Variants in C21orf91 observed in about 807,000 individuals in gnomAD.
C21orf91 encodes the protein chromosome 21 open reading frame 91.
Under a neutral mutation model 32.9 loss-of-function variants are expected in C21orf91, and 26 were observed. The ratio of observed to expected loss-of-function variants is 0.79; its 90% confidence interval spans 0.58 to 1.10. The LOEUF is 1.10. Ranked by LOEUF, C21orf91 falls within the 50% of genes least tolerant of loss-of-function variation. The pLI is 0.00. For synonymous variants in C21orf91, 126 were observed against 120.4 expected, an observed-to-expected ratio of 1.05 and a Z score of -0.31; for missense variants, 310 against 341.3, an observed-to-expected ratio of 0.91 and a Z score of 0.72.
rs2062453204 is a variant in C21orf91 at position 17,789,262 on chromosome 21, C to CACACACACACACACAT, written c.*4152_*4153insATGTGTGTGTGTGTGT. The CACACACACACACACAT allele has an allele frequency of 1.1e-5, 1 of 88,606 alleles. No individual in the cohort carries two copies. Among genetic ancestry groups the CACACACACACACACAT allele is most frequent in the African/African-American group, 5.1e-5 (1 of 19,660 alleles). The allele number at this position is 88,606 out of a possible 1,614,324, so 5.5% of individuals were successfully genotyped here. On this transcript the variant is annotated 3_prime_UTR_variant, in exon 5 of 5. Transcript: ENST00000284881. Reference sequence around the variant, plus strand: ...TGTTTTAAAGCAAGGTTCACACACACACACACACACACACACACACACACA... The same window carrying CACACACACACACACAT: ...TGTTTTAAAGCAAGGTTCACACACACACACACACACACACATACACACACACACACACACACACACA...
chr21:17,816,527 T>C (rs544877210), intron 2 of C21orf91, among the ~76,000 whole-genome samples: 9 of 152,338 alleles, frequency 5.9e-5, no homozygotes, highest in African/African-American at 2.2e-4. Context: ...AGTAGATCAA[T>C]GGTATTAAGA....
chr21:17,805,487 T>C (rs2062588384), intron 2 of C21orf91, among the ~76,000 whole-genome samples: 1 of 152,152 alleles, frequency 6.6e-6, no homozygotes, highest in Non-Finnish European at 1.5e-5. Context: ...GTAGTTTTTG[T>C]ATTTTTAGTA....
Position 17,791,381 on chromosome 21 carries a change from A to T in C21orf91, c.*2034T>A, listed in dbSNP as rs949556727. The T allele has an allele frequency of 6.6e-6, 1 of 152,156 alleles. No homozygotes were observed. Among genetic ancestry groups the T allele is most frequent in the Non-Finnish European group, 1.5e-5 (1 of 67,964 alleles). 9.4% of individuals were successfully genotyped at this position (152,156 alleles called of 1,614,324 possible). A position where few individuals can be genotyped will look rare whatever the true frequency, so the allele number is the denominator to read the frequency against. ...GCACACGTTCATCCACTTGTTCCGT[A>T]CTCATTAGCAAAGCTATGTATATTT... On this transcript the variant is annotated 3_prime_UTR_variant, in exon 5 of 5. Coordinates refer to ENST00000284881, the MANE Select transcript of C21orf91 (RefSeq NM_001100420.2).
chr21:17,817,937 A>C (rs2062675480), intron 2 of C21orf91: 2 of 297,828 alleles, frequency 6.7e-6, no homozygotes, highest in Non-Finnish European at 1.2e-5. Context: ...TTCCCAGTCA[A>C]CACTCATACT....
chr21:17,815,622 G>C (rs942355683), intron 2 of C21orf91, among the ~76,000 whole-genome samples: 1 of 151,598 alleles, frequency 6.6e-6, no homozygotes, highest in Non-Finnish European at 1.5e-5. Context: ...CTAAAATTTT[G>C]TGCAATTCAA....
chr21:17,802,784 G>A (rs1015598991), intron 2 of C21orf91, among the ~76,000 whole-genome samples: 2 of 152,156 alleles, frequency 1.3e-5, no homozygotes, highest in African/African-American at 4.8e-5. Flanking sequence ...GATGCTGAAT[G>A]CCTTTATACT....
At chr21:17,808,450 G>C (rs777970938) in intron 2 of C21orf91, among the ~76,000 whole-genome samples, 82 of 152,218 alleles carry the variant, frequency 5.4e-4, no homozygotes, top group Non-Finnish European at 1.0e-3. Flanking sequence ...GGGAAATGTG[G>C]GGTTGGAGCC....
At chr21:17,811,923 C>G (rs2062635031) in intron 2 of C21orf91, among the ~76,000 whole-genome samples, 1 of 152,038 alleles carries the variant, frequency 6.6e-6, no homozygotes, top group South Asian at 2.1e-4. Context: ...TCAAGATCAT[C>G]ATTATGAACA....
rs1474038045 is a variant in C21orf91, at chr21:17,790,246, C to G, written c.*3169G>C. ...AATTTAATAATGAAAGCAGATTCTT[C>G]CAAAACAAAACAAAACCCAAACTGG... On this transcript the variant is annotated 3_prime_UTR_variant, in exon 5 of 5. Transcript: ENST00000284881. 1 of 151,816 alleles carries G rather than the reference C, an allele frequency of 6.6e-6. No homozygotes were observed. The highest frequency in any genetic ancestry group is 6.6e-5 in the Admixed American group (1 of 15,234). The allele number at this position is 151,816 out of a possible 1,614,324, so 9.4% of individuals were successfully genotyped here. A position where few individuals can be genotyped will look rare whatever the true frequency, so the allele number is the denominator to read the frequency against.
intron 2 of C21orf91, among the ~76,000 whole-genome samples, chr21:17,801,815 C>CA (rs1253819678): frequency 2.0e-5 from 3 of 150,402 alleles, no homozygotes; most frequent in African/African-American, 4.9e-5. Flanking sequence ...GCATGTTCTG[C>CA]ATGTATATCC....
intron 2 of C21orf91, among the ~76,000 whole-genome samples, chr21:17,814,122 G>A (rs977521347): frequency 6.6e-6 from 1 of 152,096 alleles, no homozygotes; most frequent in Non-Finnish European, 1.5e-5. Flanking sequence ...CTGATAGTAT[G>A]AACCAACAGT....
At chr21:17,818,495 T>C (rs1249743857) in intron 1 of C21orf91, among the ~76,000 whole-genome samples, 170 bp from the exon 2 acceptor site, 1 of 152,208 alleles carries the variant, frequency 6.6e-6, no homozygotes, top group Non-Finnish European at 1.5e-5. Flanking sequence ...ACTTTTCCTG[T>C]GGAAAGACAC....
Position 17,794,953 on chromosome 21 carries a change from G to A in C21orf91, c.727+255C>T, listed in dbSNP as rs550740771. ...TAATGACAGTAAGTCCCAGCTACTCGGGAGGATCACCACTGCACTGCAGCT... is the reference window on the plus strand; with the variant it reads ...TAATGACAGTAAGTCCCAGCTACTCAGGAGGATCACCACTGCACTGCAGCT... On this transcript the variant is annotated intron_variant, in intron 4 of 4. Transcript: ENST00000284881. Among the ~76,000 whole-genome samples the A allele has an allele frequency of 4.0e-5, 6 of 151,190 alleles. No individual in the cohort carries two copies. In the East Asian group the frequency reaches 7.8e-4, roughly 20 times the overall value.
chr21:17,799,757 T>C (rs762228615), intron 2 of C21orf91, among the ~76,000 whole-genome samples: 2 of 152,096 alleles, frequency 1.3e-5, no homozygotes, highest in Non-Finnish European at 1.5e-5. Flanking sequence ...CTGTGAAAAA[T>C]ATGGACCATG....
chr21:17,791,490 G>A lies in C21orf91; in HGVS notation c.*1925C>T, dbSNP rs2062473665. On this transcript the variant is annotated 3_prime_UTR_variant, in exon 5 of 5. Coordinates refer to ENST00000284881, the MANE Select transcript of C21orf91 (RefSeq NM_001100420.2). ...CATATTCTGGAAATATGCTACTATTGATATCAAATGCAACATATCCCCAAC... is the reference window on the plus strand; with the variant it reads ...CATATTCTGGAAATATGCTACTATTAATATCAAATGCAACATATCCCCAAC... 6.6e-6 allele frequency: 1 copy of A among 152,120 alleles called. No individual in the cohort carries two copies. Among genetic ancestry groups the A allele is most frequent in the African/African-American group, 2.4e-5 (1 of 41,434 alleles). The allele number at this position is 152,120 out of a possible 1,614,324, so 9.4% of individuals were successfully genotyped here.
chr21:17,798,263 AAAAG>A (rs1221120572), intron 2 of C21orf91, among the ~76,000 whole-genome samples: 1 of 152,238 alleles, frequency 6.6e-6, no homozygotes, highest in Non-Finnish European at 1.5e-5. Flanking sequence ...AAGTCTGGCT[AAAAG>A]AAAGATAATG....
intron 2 of C21orf91, among the ~76,000 whole-genome samples, chr21:17,807,198 G>A (rs1225373241): frequency 6.6e-6 from 1 of 152,166 alleles, no homozygotes; most frequent in African/African-American, 2.4e-5. Context: ...GGAGGGCGCT[G>A]GTAGGAGGTA....
At chr21:17,802,479 T>C (rs978603775) in intron 2 of C21orf91, among the ~76,000 whole-genome samples, 24 of 152,240 alleles carry the variant, frequency 1.6e-4, no homozygotes, top group Admixed American at 1.6e-3. Flanking sequence ...TGAGCCACTG[T>C]GCCTGGCCCA....
chr21:17,805,103 G>A (rs1373178321), intron 2 of C21orf91, among the ~76,000 whole-genome samples: 4 of 152,194 alleles, frequency 2.6e-5, no homozygotes, highest in African/African-American at 9.7e-5. Context: ...ATGCAATAAG[G>A]TAGCCAGTAG....
Sources: gnomAD v4.1 joint callset for allele counts (sites outside exome capture counted in the v4.1 genomes callset) on GRCh38, gnomAD v4.1.1 for gene constraint, MANE v1.5 for transcripts, NCBI Gene and HGNC (gene_info 2026-07-23, HGNC 2026-07-21) for gene names.